The following DOCK1 variants were observed in gnomAD, a reference collection of about 807,000 sequenced individuals.
DOCK1 encodes the protein dedicator of cytokinesis protein 1.
DOCK1 carries 138 observed loss-of-function variants against 262.7 expected under a neutral mutation model. The observed-to-expected ratio is 0.53, with a 90% CI of 0.46 to 0.61. DOCK1 has a LOEUF of 0.61. DOCK1 is among the 20% of genes least tolerant of loss of function. The pLI is 0.00. For missense variants in DOCK1, 1,908 were observed against 2,370.7 expected (o/e 0.80, Z 4.05); for synonymous variants, 866 against 867.4 (o/e 1.00, Z 0.03).
chr10:127,363,384 C>T (rs2064705508), intron 33 of DOCK1, among the ~76,000 whole-genome samples: 1 of 152,214 alleles, frequency 6.6e-6, no homozygotes, highest in South Asian at 2.1e-4. Context: ...GTGGTGCACA[C>T]CTGTGGTCAG....
chr10:127,164,892 C>T (rs2053942308), intron 27 of DOCK1, among the ~76,000 whole-genome samples: 1 of 152,090 alleles, frequency 6.6e-6, no homozygotes, highest in African/African-American at 2.4e-5. Context: ...TCATTTGGCC[C>T]AGAAGGCACC....
intron 29 of DOCK1, among the ~76,000 whole-genome samples, chr10:127,288,932 G>A (rs1379037128): frequency 3.9e-5 from 6 of 152,148 alleles, no homozygotes; most frequent in East Asian, 3.9e-4. Flanking sequence ...ATCCTTGCAT[G>A]TAGCTAAACT....
intron 29 of DOCK1, among the ~76,000 whole-genome samples, chr10:127,316,366 C>G (rs559107015): frequency 6.1e-4 from 93 of 152,272 alleles, no homozygotes; most frequent in African/African-American, 1.9e-3. Flanking sequence ...GACTGATGCA[C>G]TGTATCTATG....
intron 21 of DOCK1, among the ~76,000 whole-genome samples, chr10:127,045,726 A>G (rs2044304296): frequency 6.6e-6 from 1 of 152,172 alleles, no homozygotes; most frequent in Non-Finnish European, 1.5e-5. Flanking sequence ...TGGACTGACC[A>G]GCACTGGTAC....
intron 29 of DOCK1, among the ~76,000 whole-genome samples, chr10:127,296,989 A>C (rs1040662677): frequency 6.6e-6 from 1 of 152,174 alleles, no homozygotes; most frequent in Non-Finnish European, 1.5e-5. Flanking sequence ...CTGTGGCCTC[A>C]TGTGAGCTTG....
At chr10:127,361,991 G>C in intron 32 of DOCK1, 73 bp from the exon 33 acceptor site, 1 of 1,450,766 alleles carries the variant, frequency 6.9e-7, no homozygotes, top group East Asian at 2.4e-5. Flanking sequence ...GTGTTGTGTT[G>C]TTTTATCCAT....
At position 127,164,371 on chromosome 10, in the gene DOCK1, C is replaced by T. The variant is rs758859764; in HGVS notation, c.2847+36607C>T. Reference sequence around the variant, plus strand: ...ACTAATTTTTGTATTTTTGTAGACACGGGATTTCACCATGTTGGCCAGGCT... The same window carrying T: ...ACTAATTTTTGTATTTTTGTAGACATGGGATTTCACCATGTTGGCCAGGCT... On this transcript the variant is annotated intron_variant, in intron 27 of 51. Coordinates refer to ENST00000623213, the MANE Select transcript of DOCK1 (RefSeq NM_001290223.2). Among the ~76,000 whole-genome samples the T allele has an allele frequency of 7.1e-4, 107 of 151,766 alleles. 1 individual carries two copies. The highest frequency in any genetic ancestry group is 3.4e-3 in the Middle Eastern group (1 of 294).
At chr10:127,416,288 T>C (rs555603665) in intron 44 of DOCK1, among the ~76,000 whole-genome samples, 1 of 152,232 alleles carries the variant, frequency 6.6e-6, no homozygotes, top group Admixed American at 6.5e-5. Flanking sequence ...GTGGGAGTTA[T>C]GTGTCAGGTG....
chr10:126,925,002 A>G (rs2033573568), intron 1 of DOCK1, among the ~76,000 whole-genome samples: 1 of 152,224 alleles, frequency 6.6e-6, no homozygotes, highest in South Asian at 2.1e-4. Context: ...AGCTTTGCAG[A>G]TTCTTTTTAA....
intron 1 of DOCK1, among the ~76,000 whole-genome samples, chr10:126,940,825 C>G (rs2034925777): frequency 6.6e-6 from 1 of 152,138 alleles, no homozygotes; most frequent in Non-Finnish European, 1.5e-5. Flanking sequence ...TTGACAAGAA[C>G]TGGAGTTGTG....
chr10:127,425,290 C>T (rs1006417641), intron 46 of DOCK1, among the ~76,000 whole-genome samples: 7 of 152,146 alleles, frequency 4.6e-5, no homozygotes, highest in African/African-American at 1.7e-4. Flanking sequence ...ATGAAAATGT[C>T]TCTCTTAGAA....
intron 18 of DOCK1, among the ~76,000 whole-genome samples, chr10:127,036,275 G>T (rs995770788): frequency 1.4e-4 from 21 of 152,284 alleles, no homozygotes; most frequent in African/African-American, 5.1e-4. Context: ...CCACACTTGG[G>T]CGTCTTCCAC....
chr10:127,355,176 C>T (rs1210198314), intron 32 of DOCK1, among the ~76,000 whole-genome samples: 1 of 88,556 alleles, frequency 1.1e-5, no homozygotes. Flanking sequence ...CATGCTCCTG[C>T]ACTCAAAGCA....
intron 29 of DOCK1, among the ~76,000 whole-genome samples, chr10:127,334,297 G>A (rs191622566): frequency 1.6e-3 from 243 of 152,304 alleles, no homozygotes; most frequent in Admixed American, 2.5e-3. Context: ...ATGTGTGTAT[G>A]TGTAGGCTAC....
rs139624707 is a variant in DOCK1 at position 126,993,176 on chromosome 10, C to T, written c.473+2573C>T. Among the ~76,000 whole-genome samples the T allele has an allele frequency of 3.3e-5, 5 of 152,368 alleles. No homozygotes were observed. In the East Asian group the frequency reaches 9.6e-4, roughly 29 times the overall value. ...TGGCAGGTGTGAGGTGATGATGTGG[C>T]AGGACGTGCACAGCAGGCTGGCACA... On this transcript the variant is annotated intron_variant, in intron 6 of 51. Transcript: ENST00000623213.
rs2048850908 is a variant in DOCK1, at chr10:127,111,346, C to T, written c.2623+992C>T. Among the ~76,000 whole-genome samples the T allele has an allele frequency of 2.6e-5, 4 of 152,172 alleles. No homozygotes were observed. The South Asian group carries it at 8.3e-4, about 32-fold the overall frequency. On this transcript the variant is annotated intron_variant, in intron 25 of 51. Coordinates refer to ENST00000623213, the MANE Select transcript of DOCK1 (RefSeq NM_001290223.2). ...GAGAGTGTTCTTCTCTAGAAAAAAA[C>T]ACATCAAACCAAGAAGTGGGTGACT...
intron 29 of DOCK1, among the ~76,000 whole-genome samples, chr10:127,277,693 G>A (rs375156694): frequency 5.3e-5 from 8 of 152,114 alleles, no homozygotes; most frequent in African/African-American, 1.4e-4. Flanking sequence ...AACCTGGGAC[G>A]CAGAGGTTGC....
intron 29 of DOCK1, among the ~76,000 whole-genome samples, chr10:127,293,103 G>A (rs573864440): frequency 6.6e-6 from 1 of 152,170 alleles, no homozygotes; most frequent in African/African-American, 2.4e-5. Context: ...GGAGGGGGCT[G>A]TTGTAGGGTG....
At chr10:127,046,124 A>G (rs2044330486) in intron 21 of DOCK1, among the ~76,000 whole-genome samples, 1 of 152,010 alleles carries the variant, frequency 6.6e-6, no homozygotes, top group Admixed American at 6.5e-5. Context: ...AATTCCCAAA[A>G]TGTGTTCTAT....
Sources: allele counts gnomAD v4.1 joint callset (sites outside exome capture counted in the v4.1 genomes callset), GRCh38; gene constraint gnomAD v4.1.1; transcripts MANE v1.5; gene names NCBI Gene and HGNC (gene_info 2026-07-23, HGNC 2026-07-21).